The following TSPEAR variants were observed in gnomAD, a reference collection of about 807,000 sequenced individuals.
TSPEAR encodes the protein thrombospondin-type laminin G domain and EAR repeat-containing protein.
A neutral mutation model predicts 71.6 loss-of-function variants in TSPEAR; 69 were observed. That is an observed-to-expected ratio of 0.96 (90% CI 0.79 to 1.18). The LOEUF (loss-of-function observed/expected upper bound fraction) is 1.18. Ranked by LOEUF, TSPEAR falls within the 50% of genes most tolerant of loss-of-function variation. TSPEAR has a pLI of 0.00. For synonymous variants in TSPEAR, 402 were observed against 387.2 expected, an observed-to-expected ratio of 1.04 and a Z score of -0.45; for missense variants, 971 against 894.9, an observed-to-expected ratio of 1.09 and a Z score of -1.09.
rs539841499 is a variant in TSPEAR, at chr21:44,685,770, T to A, written c.82+25663A>T. On this transcript the variant is annotated intron_variant, in intron 1 of 11. Coordinates refer to ENST00000323084, the MANE Select transcript of TSPEAR (RefSeq NM_144991.3). ...TTGGCACAGTGGTAATGACCATGGA[T>A]CCCAGAGTGAAACTAAGCAGTCCAG... 1.2e-4 allele frequency among the ~76,000 whole-genome samples: 18 copies of A among 152,290 alleles called. No individual in the cohort carries two copies. The South Asian group carries it at 3.3e-3, about 28-fold the overall frequency.
chr21:44,622,267 C>T (rs961273355), intron 1 of TSPEAR, among the ~76,000 whole-genome samples: 1 of 151,992 alleles, frequency 6.6e-6, no homozygotes, highest in African/African-American at 2.4e-5. Flanking sequence ...TGAGCTTAAA[C>T]CTCCCATCTC....
intron 2 of TSPEAR, chr21:44,558,750 T>TGAGTGAGTGAGTGTGGGAGTGAGTGAGG (rs2053590270): frequency 6.4e-7 from 1 of 1,564,176 alleles, no homozygotes; most frequent in Admixed American, 1.8e-5. Flanking sequence ...GGGGGAGACG[T>TGAGTGAGTGAGTGTGGGAGTGAGTGAGG]GAGTGAGTGA....
intron 2 of TSPEAR, among the ~76,000 whole-genome samples, chr21:44,537,210 G>C (rs1189098656): frequency 5.9e-5 from 9 of 151,594 alleles, no homozygotes; most frequent in African/African-American, 2.2e-4. Flanking sequence ...AACGTTTTTA[G>C]AAAATAAGAT....
rs1978344895 is a variant in TSPEAR at position 44,575,099 on chromosome 21, C to T, written c.83-7094G>A. 8 of 1,309,094 alleles carry T rather than the reference C, an allele frequency of 6.1e-6. 1 individual carries two copies. The highest frequency in any genetic ancestry group is 8.4e-6 in the Non-Finnish European group (8 of 952,510). 81.1% of individuals were successfully genotyped at this position (1,309,094 alleles called of 1,614,324 possible). The stretch of plus-strand genomic sequence containing the variant: ...CTGATAGTCGCGTCCTGAATTGCTC[C>T]TGCACTTTGACCATTTCCTGGTGTC... On this transcript the variant is annotated intron_variant, in intron 1 of 11. Transcript: ENST00000323084.
At chr21:44,589,609 A>G (rs1979618108) in intron 1 of TSPEAR, among the ~76,000 whole-genome samples, 1 of 152,226 alleles carries the variant, frequency 6.6e-6, no homozygotes, top group South Asian at 2.1e-4. Flanking sequence ...ATGAAGCAGA[A>G]GACACATCGA....
At chr21:44,575,212 T>G in intron 1 of TSPEAR, 1 of 639,854 alleles carries the variant, frequency 1.6e-6, no homozygotes, top group Non-Finnish European at 2.7e-6. Flanking sequence ...TTCTAGAAAG[T>G]TCCCATGGCA....
At chr21:44,597,002 G>A (rs1980408045) in intron 1 of TSPEAR, among the ~76,000 whole-genome samples, 1 of 151,964 alleles carries the variant, frequency 6.6e-6, no homozygotes. Flanking sequence ...AGTTTTATCG[G>A]TTTTTTAAAT....
At chr21:44,530,248 T>C (rs2052939914) in intron 4 of TSPEAR, among the ~76,000 whole-genome samples, 1 of 152,166 alleles carries the variant, frequency 6.6e-6, no homozygotes, top group East Asian at 1.9e-4. Flanking sequence ...CCCATCCTGT[T>C]CATCCATGCA....
intron 1 of TSPEAR, among the ~76,000 whole-genome samples, chr21:44,571,828 G>C: frequency 6.6e-6 from 1 of 152,214 alleles, no homozygotes; most frequent in East Asian, 1.9e-4. Flanking sequence ...GAAGCAAATA[G>C]ACACACAGAA....
Position 44,600,843 on chromosome 21 carries a change from C to G in TSPEAR, c.83-32838G>C, listed in dbSNP as rs1198496361. On this transcript the variant is annotated intron_variant, in intron 1 of 11. Transcript: ENST00000323084. ...CCTGCTGCCGAGTGACCTGTGAGCC[C>G]AGCCCCTGCCAATCAGGCTGCACCA... 3 of 1,608,840 alleles carry G rather than the reference C, an allele frequency of 1.9e-6. No individual in the cohort carries two copies. The African/African-American group carries it at 4.2e-5, about 22-fold the overall frequency.
chr21:44,684,566 T>C (rs5013903), intron 1 of TSPEAR, among the ~76,000 whole-genome samples: 96,078 of 151,590 alleles, frequency 0.63, 30,576 homozygotes, highest in South Asian at 0.72. Flanking sequence ...GAAGTGAAAA[T>C]CTGTTCAGAG....
intron 1 of TSPEAR, among the ~76,000 whole-genome samples, chr21:44,660,891 C>T (rs1055213382): frequency 1.6e-4 from 24 of 152,162 alleles, no homozygotes; most frequent in Non-Finnish European, 3.2e-4. Flanking sequence ...TGCTTGAACC[C>T]GGGAGGCAGA....
At chr21:44,650,706 C>T (rs587680343) in intron 1 of TSPEAR, among the ~76,000 whole-genome samples, 1 of 152,306 alleles carries the variant, frequency 6.6e-6, no homozygotes, top group East Asian at 1.9e-4. Flanking sequence ...CACAGCAGCC[C>T]CCGGATGTCA....
intron 1 of TSPEAR, chr21:44,600,561 C>G: frequency 6.5e-7 from 1 of 1,549,340 alleles, no homozygotes; most frequent in Non-Finnish European, 8.7e-7. Flanking sequence ...AACACACGGA[C>G]TCACTCACTC....
At chr21:44,561,760 G>A (rs2053636582) in intron 2 of TSPEAR, among the ~76,000 whole-genome samples, 1 of 152,094 alleles carries the variant, frequency 6.6e-6, no homozygotes, top group African/African-American at 2.4e-5. Context: ...TGCAGAAAAG[G>A]CCTTCAAGAA....
At chr21:44,696,490 G>A (rs782310889) in intron 1 of TSPEAR, among the ~76,000 whole-genome samples, 1 of 152,212 alleles carries the variant, frequency 6.6e-6, no homozygotes, top group Non-Finnish European at 1.5e-5. Context: ...CAAGGTTGAT[G>A]TATGGGTTAG....
chr21:44,693,591 A>G (rs1987207476), intron 1 of TSPEAR, among the ~76,000 whole-genome samples: 1 of 152,180 alleles, frequency 6.6e-6, no homozygotes, highest in Admixed American at 6.5e-5. Context: ...ACTCATTAGG[A>G]AAATGGAAAT....
At chr21:44,638,108 T>G (rs781949702) in intron 1 of TSPEAR, 2 of 1,613,464 alleles carry the variant, frequency 1.2e-6, no homozygotes, top group Non-Finnish European at 1.7e-6. Flanking sequence ...TTCCCTCCTC[T>G]GCCGCCCCGT....
In TSPEAR at chr21:44,612,100, C is replaced by A; in HGVS notation, c.83-44095G>T. On this transcript the variant is annotated intron_variant, in intron 1 of 11. Transcript: ENST00000323084. This position sits in a 1 kb window ranked among gnomAD's most constrained non-coding sequence, Gnocchi z 4.1. Reference sequence around the variant, plus strand: ...TCACACCACCCAGTCCAGCACCCACCATGGCTGACGCCTGCTGCACCAGGA... The same window carrying A: ...TCACACCACCCAGTCCAGCACCCACAATGGCTGACGCCTGCTGCACCAGGA... 1 of 1,612,654 alleles carries A rather than the reference C, an allele frequency of 6.2e-7. No individual in the cohort carries two copies. The highest frequency in any genetic ancestry group is 1.7e-4 in the Middle Eastern group (1 of 6,008).
Sources: allele counts gnomAD v4.1 joint callset (sites outside exome capture counted in the v4.1 genomes callset), GRCh38; gene constraint gnomAD v4.1.1; non-coding constraint Gnocchi (gnomAD v3.1); transcripts MANE v1.5; gene names NCBI Gene and HGNC (gene_info 2026-07-23, HGNC 2026-07-21).